The following FGF10 variants were observed in gnomAD, a reference collection of about 807,000 sequenced individuals.
FGF10 encodes FGF-10.
A neutral mutation model predicts 19.8 loss-of-function variants in FGF10; 2 were observed. The observed-to-expected ratio is 0.10, with a 90% confidence interval of 0.04 to 0.32. The LOEUF is 0.32. Among genes scored for constraint, FGF10 ranks in the 10% least tolerant of loss-of-function variants. The pLI is 1.00. For synonymous variants in FGF10, 112 were observed against 94.0 expected (o/e 1.19, Z -1.10); for missense variants, 191 against 246.3 (o/e 0.78, Z 1.50).
intron 1 of FGF10, among the ~76,000 whole-genome samples, chr5:44,357,874 G>T (rs750815720): frequency 4.0e-5 from 6 of 151,366 alleles, no homozygotes; most frequent in Non-Finnish European, 8.9e-5. Context: ...TGCCATGAAG[G>T]TTCTTAGGAA....
rs948344537 is a variant in FGF10 at position 44,336,899 on chromosome 5, A to G, written c.326-26369T>C. ...AGAGGAAGTGACATGGAAGACAAAG[A>G]GCGCTTACTAACCAATTTGGGGAAG... is the stretch of plus-strand genomic sequence containing the variant. On this transcript the variant is annotated intron_variant, in intron 1 of 2. Transcript: ENST00000264664. Among the ~76,000 whole-genome samples the G allele has an allele frequency of 2.0e-5, 3 of 152,136 alleles. No homozygotes were observed. In the East Asian group the frequency reaches 5.8e-4, roughly 29 times the overall value.
intron 1 of FGF10, among the ~76,000 whole-genome samples, chr5:44,317,289 T>C (rs377201500): frequency 2.0e-5 from 3 of 152,288 alleles, no homozygotes; most frequent in African/African-American, 7.2e-5. Flanking sequence ...AGAAAATCCT[T>C]TCTATCTCTG....
chr5:44,307,733 T>C (rs971490175), intron 2 of FGF10, among the ~76,000 whole-genome samples: 1 of 152,206 alleles, frequency 6.6e-6, no homozygotes, highest in East Asian at 1.9e-4. Flanking sequence ...TTATATTAGA[T>C]ATGCACTTAT....
intron 1 of FGF10, among the ~76,000 whole-genome samples, chr5:44,343,372 C>T (rs898679269): frequency 6.6e-6 from 1 of 151,934 alleles, no homozygotes; most frequent in Non-Finnish European, 1.5e-5. Context: ...GAAGATCATG[C>T]ATTACCTGAT....
In FGF10 at chr5:44,305,259, A is replaced by T. The variant is rs533982888; in HGVS notation, c.430-67T>A. ...TACTTGATTTCATTTGATACAAGCC[A>T]TCCAGAGAACTCCAGTCCAAGGATT... is the stretch of plus-strand genomic sequence containing the variant. On this transcript the variant is annotated intron_variant, in intron 2 of 2. Coordinates refer to ENST00000264664, the MANE Select transcript of FGF10 (RefSeq NM_004465.2). 1.2e-4 allele frequency: 183 copies of T among 1,467,142 alleles called. 2 individuals carry two copies. The East Asian group carries it at 4.1e-3, about 33-fold the overall frequency. 90.9% of individuals were successfully genotyped at this position (1,467,142 alleles called of 1,614,324 possible).
chr5:44,325,238 G>A lies in FGF10; in HGVS notation c.326-14708C>T, dbSNP rs1278376780. The stretch of plus-strand genomic sequence containing the variant: ...GTCATTAAAAAGTCAGGAAACAACA[G>A]GTGCTGGAGAGGATGTGGAGAAATA... On this transcript the variant is annotated intron_variant, in intron 1 of 2. Transcript: ENST00000264664. Among the ~76,000 whole-genome samples the A allele has an allele frequency of 2.6e-5, 4 of 152,108 alleles. No individual in the cohort carries two copies. In the East Asian group the frequency reaches 7.7e-4, roughly 29 times the overall value.
intron 1 of FGF10, among the ~76,000 whole-genome samples, chr5:44,318,320 G>C (rs1171010524): frequency 6.6e-6 from 1 of 152,130 alleles, no homozygotes; most frequent in African/African-American, 2.4e-5. Context: ...AAACATTTCT[G>C]TATCAGAAAA....
chr5:44,305,635 CTT>C (rs758774774), intron 2 of FGF10, among the ~76,000 whole-genome samples: 4 of 151,992 alleles, frequency 2.6e-5, no homozygotes, highest in Non-Finnish European at 4.4e-5. Context: ...AGTTTGCAAA[CTT>C]TACCTACAAA....
intron 1 of FGF10, among the ~76,000 whole-genome samples, chr5:44,386,943 T>C (rs1027960114): frequency 6.6e-5 from 10 of 152,228 alleles, no homozygotes; most frequent in African/African-American, 2.2e-4. Context: ...TGGTACTTTC[T>C]AAACCAAGGA....
chr5:44,328,924 G>A (rs1420281575), intron 1 of FGF10, among the ~76,000 whole-genome samples: 1 of 152,050 alleles, frequency 6.6e-6, no homozygotes, highest in Non-Finnish European at 1.5e-5. Flanking sequence ...TTGAGCCCAG[G>A]AGTTTGAAGC....
chr5:44,365,635 A>G (rs1187015415), intron 1 of FGF10, among the ~76,000 whole-genome samples: 1 of 151,998 alleles, frequency 6.6e-6, no homozygotes, highest in Non-Finnish European at 1.5e-5. Context: ...GGTTGAAAGT[A>G]AGACTCTGTT....
At chr5:44,387,415 A>G (rs1742127844) in intron 1 of FGF10, among the ~76,000 whole-genome samples, 1 of 152,192 alleles carries the variant, frequency 6.6e-6, no homozygotes, top group Non-Finnish European at 1.5e-5. Context: ...TGAGGAGAAA[A>G]TGTCACACTG....
intron 1 of FGF10, among the ~76,000 whole-genome samples, chr5:44,353,804 G>A (rs541267724): frequency 6.6e-6 from 1 of 151,374 alleles, no homozygotes; most frequent in East Asian, 2.0e-4. Flanking sequence ...AAAAGCTGGG[G>A]GGCGGGGGCT....
In FGF10 at chr5:44,302,987, T is replaced by A. The variant is rs1474349185; in HGVS notation, c.*2008A>T. Among the ~76,000 whole-genome samples the A allele has an allele frequency of 6.6e-6, 1 of 152,154 alleles. No homozygotes were observed. The highest frequency in any genetic ancestry group is 1.5e-5 in the Non-Finnish European group (1 of 68,024). On this transcript the variant is annotated 3_prime_UTR_variant, in exon 3 of 3. Coordinates refer to ENST00000264664, the MANE Select transcript of FGF10 (RefSeq NM_004465.2). ...TAAAGGAAAAAAAGATACCTAGTTTTGATAGGAATGCATTACATTATAGCT... is the reference window on the plus strand; with the variant it reads ...TAAAGGAAAAAAAGATACCTAGTTTAGATAGGAATGCATTACATTATAGCT...
At chr5:44,372,232 G>GCCACATTCCTTGC (rs1242157307) in intron 1 of FGF10, among the ~76,000 whole-genome samples, 1 of 152,028 alleles carries the variant, frequency 6.6e-6, no homozygotes, top group African/African-American at 2.4e-5. Flanking sequence ...ACATTCCTTG[G>GCCACATTCCTTGC]CCACATTCCT....
intron 1 of FGF10, among the ~76,000 whole-genome samples, chr5:44,380,445 A>G (rs924316436): frequency 3.3e-5 from 5 of 152,234 alleles, no homozygotes; most frequent in South Asian, 4.1e-4. Flanking sequence ...AAAAATTCCT[A>G]GTAAAGGCAT....
intron 1 of FGF10, among the ~76,000 whole-genome samples, chr5:44,335,932 G>A (rs1428403530): frequency 1.3e-5 from 2 of 151,942 alleles, no homozygotes; most frequent in African/African-American, 4.8e-5. Context: ...TAACAAATAG[G>A]ACAATTCTAT....
At chr5:44,386,319 T>C (rs1279984160) in intron 1 of FGF10, among the ~76,000 whole-genome samples, 1 of 152,148 alleles carries the variant, frequency 6.6e-6, no homozygotes, top group African/African-American at 2.4e-5. Flanking sequence ...ATTTAAAGTA[T>C]AGCACAAACA....
intron 1 of FGF10, among the ~76,000 whole-genome samples, chr5:44,337,142 T>C (rs538207051): frequency 6.6e-6 from 1 of 152,188 alleles, no homozygotes; most frequent in African/African-American, 2.4e-5. Context: ...ACATTTTTTT[T>C]CTAAAATAGG....
Sources: allele counts gnomAD v4.1 joint callset (sites outside exome capture counted in the v4.1 genomes callset), GRCh38; gene constraint gnomAD v4.1.1; transcripts MANE v1.5; gene names NCBI Gene and HGNC (gene_info 2026-07-23, HGNC 2026-07-21).